Variants in NCK2 observed in about 807,000 individuals in gnomAD.
The protein encoded by NCK2 is cytoplasmic protein NCK2.
NCK2 carries 16 observed loss-of-function variants against 33.9 expected under a neutral mutation model. The ratio of observed to expected loss-of-function variants is 0.47; its 90% CI spans 0.32 to 0.72. The LOEUF (loss-of-function observed/expected upper bound fraction) is 0.72. NCK2 is among the 30% of genes least tolerant of loss of function. The pLI, the probability that NCK2 is intolerant of heterozygous loss-of-function variation, is 0.03. For missense variants in NCK2, 418 were observed against 537.3 expected (o/e 0.78, Z 2.19); for synonymous variants, 273 against 239.9 (o/e 1.14, Z -1.27).
At chr2:105,891,003 G>A (rs866246516) in intron 4 of NCK2, among the ~76,000 whole-genome samples, 8 of 152,344 alleles carry the variant, frequency 5.3e-5, no homozygotes, top group Middle Eastern at 3.4e-3. Context: ...AAGAATTTCG[G>A]ATGTTAGGCT....
chr2:105,856,945 A>C (rs541427058), intron 3 of NCK2: 1 of 151,250 alleles, frequency 6.6e-6, no homozygotes, highest in Admixed American at 6.6e-5. Flanking sequence ...CCTGAGCTTT[A>C]TTTTTCCAAT....
chr2:105,773,979 CTCAGG>C (rs1690220320), intron 1 of NCK2, among the ~76,000 whole-genome samples: 1 of 151,460 alleles, frequency 6.6e-6, no homozygotes, highest in Non-Finnish European at 1.5e-5. Context: ...TCTGGAAGTC[CTCAGG>C]TGGAAGATGT....
intron 3 of NCK2, among the ~76,000 whole-genome samples, chr2:105,856,149 G>C (rs1169369496): frequency 6.6e-6 from 1 of 152,142 alleles, no homozygotes; most frequent in Non-Finnish European, 1.5e-5. Flanking sequence ...TGTGCCTCTT[G>C]TTTTCCCAGG....
chr2:105,845,577 T>C (rs2104560913), intron 2 of NCK2, among the ~76,000 whole-genome samples: 1 of 152,170 alleles, frequency 6.6e-6, no homozygotes, highest in Non-Finnish European at 1.5e-5. Flanking sequence ...GTATTTTTAG[T>C]AGAGGTGAGG....
intron 1 of NCK2, among the ~76,000 whole-genome samples, chr2:105,760,167 C>A (rs1192387335): frequency 1.3e-5 from 2 of 152,194 alleles, no homozygotes; most frequent in Admixed American, 6.5e-5. Context: ...TTCTATCTGA[C>A]AGATTTATCT....
At chr2:105,749,560 G>A (rs1374358790) in intron 1 of NCK2, among the ~76,000 whole-genome samples, 1 of 152,186 alleles carries the variant, frequency 6.6e-6, no homozygotes, top group African/African-American at 2.4e-5. Context: ...TCCTTCTGCA[G>A]GCCATACATG....
At chr2:105,883,059 T>TC (rs57338911) in intron 4 of NCK2, among the ~76,000 whole-genome samples, 152,319 of 152,320 alleles carry the variant, frequency 1, 76,159 homozygotes, top group Middle Eastern at 1. Flanking sequence ...TGGGATGTGC[T>TC]CTCTTTGAGG....
intron 1 of NCK2, among the ~76,000 whole-genome samples, chr2:105,810,886 C>T (rs868127132): frequency 5.3e-5 from 8 of 152,156 alleles, no homozygotes; most frequent in Middle Eastern, 3.4e-3. Context: ...AATATTTGCC[C>T]GGCTATGGGC....
intron 1 of NCK2, among the ~76,000 whole-genome samples, chr2:105,778,364 G>A (rs1229371226): frequency 6.6e-6 from 1 of 152,220 alleles, no homozygotes; most frequent in African/African-American, 2.4e-5. Context: ...GGAAAGAGCT[G>A]CTTTGGCCCA....
chr2:105,783,115 C>T (rs1009313801), intron 1 of NCK2, among the ~76,000 whole-genome samples: 1 of 152,192 alleles, frequency 6.6e-6, no homozygotes, highest in East Asian at 1.9e-4. Flanking sequence ...AAGGCCAGAG[C>T]CCTGGGAGGT....
chr2:105,823,709 G>A (rs1013667590), intron 2 of NCK2, among the ~76,000 whole-genome samples: 2 of 151,970 alleles, frequency 1.3e-5, no homozygotes, highest in East Asian at 1.9e-4. Flanking sequence ...TGTAAGGTCC[G>A]TGGCCATGGA....
chr2:105,860,134 T>A (rs963881606), intron 3 of NCK2, among the ~76,000 whole-genome samples: 7 of 151,780 alleles, frequency 4.6e-5, no homozygotes, highest in Admixed American at 1.3e-4. Context: ...AAAAATTTTT[T>A]AAAAAATAGA....
chr2:105,804,068 T>G (rs1674942250), intron 1 of NCK2, among the ~76,000 whole-genome samples: 1 of 152,140 alleles, frequency 6.6e-6, no homozygotes, highest in South Asian at 2.1e-4. Flanking sequence ...GCTTGCCCAT[T>G]TTTTACGGGG....
upstream of NCK2, chr2:105,744,836 G>T (rs1318223988): frequency 6.9e-5 from 11 of 159,826 alleles, no homozygotes; most frequent in Non-Finnish European, 1.3e-4. Flanking sequence ...AGAGCGCGGA[G>T]GAGGCGGGCG....
At position 105,828,199 on chromosome 2, in the gene NCK2, G is replaced by A. The variant is rs550587088; in HGVS notation, c.-17+11586G>A. On this transcript the variant is annotated intron_variant, in intron 2 of 4. Coordinates refer to ENST00000233154, the MANE Select transcript of NCK2 (RefSeq NM_003581.5). ...AAGAAGTGTGCAAGCTTACATAGCA[G>A]TAGATGAATAAGTCATAAAAGGAAG... 7.7e-4 allele frequency among the ~76,000 whole-genome samples: 117 copies of A among 152,330 alleles called. 1 individual carries two copies. The highest frequency in any genetic ancestry group is 1.2e-3 in the Non-Finnish European group (80 of 68,028).
At chr2:105,830,317 G>A (rs1384254558) in intron 2 of NCK2, among the ~76,000 whole-genome samples, 2 of 152,028 alleles carry the variant, frequency 1.3e-5, no homozygotes, top group East Asian at 1.9e-4. Flanking sequence ...GAGAACTCTG[G>A]TATTTATCTT....
intron 2 of NCK2, among the ~76,000 whole-genome samples, chr2:105,837,124 G>T (rs943871700): frequency 5.9e-5 from 9 of 152,188 alleles, no homozygotes; most frequent in African/African-American, 2.2e-4. Flanking sequence ...TCCCTCGGAG[G>T]GTCTTGTTGC....
At chr2:105,747,719 G>A (rs1202720111) in intron 1 of NCK2, among the ~76,000 whole-genome samples, 2 of 152,208 alleles carry the variant, frequency 1.3e-5, no homozygotes, top group Non-Finnish European at 1.5e-5. Flanking sequence ...GGGTTTGCGA[G>A]TGGCACTTCC....
intron 1 of NCK2, among the ~76,000 whole-genome samples, chr2:105,772,964 T>C (rs1436377173): frequency 6.6e-6 from 1 of 150,612 alleles, no homozygotes; most frequent in Non-Finnish European, 1.5e-5. Context: ...TGATCATGGC[T>C]CACTGATGCC....
Sources: allele counts gnomAD v4.1 joint callset (sites outside exome capture counted in the v4.1 genomes callset), GRCh38; gene constraint gnomAD v4.1.1; transcripts MANE v1.5; gene names NCBI Gene and HGNC (gene_info 2026-07-23, HGNC 2026-07-21).